SAMD5: variants seen among roughly 807,000 people sequenced by gnomAD.
The protein encoded by SAMD5 is sterile alpha motif domain containing 5.
Under a neutral mutation model 11.3 loss-of-function variants are expected in SAMD5, and 13 were observed. The ratio of observed to expected loss-of-function variants is 1.15; its 90% CI spans 0.75 to 1.83. The LOEUF (loss-of-function observed/expected upper bound fraction) is 1.83, where lower values mean the gene tolerates loss of function less well. Ranked by LOEUF, SAMD5 falls within the 40% of genes most tolerant of loss-of-function variation. The pLI is 0.00. For missense variants in SAMD5, 255 were observed against 239.1 expected (o/e 1.07, Z -0.44); for synonymous variants, 129 against 111.3 (o/e 1.16, Z -1.00).
chr6:147,760,355 G>C, the SAMD5 span, among the ~76,000 whole-genome samples: 1 of 152,176 alleles, frequency 6.6e-6, no homozygotes, highest in East Asian at 1.9e-4. Flanking sequence ...CCATCCAAAA[G>C]CTTATGTTTG....
the SAMD5 span, among the ~76,000 whole-genome samples, chr6:147,895,844 T>G: frequency 6.6e-6 from 1 of 152,160 alleles, no homozygotes; most frequent in Non-Finnish European, 1.5e-5. Flanking sequence ...AGAGACACTG[T>G]ACCAAATAAA....
At chr6:147,784,288 T>C in the SAMD5 span, among the ~76,000 whole-genome samples, 1 of 152,196 alleles carries the variant, frequency 6.6e-6, no homozygotes, top group Admixed American at 6.5e-5. Flanking sequence ...AATAATCAAC[T>C]GTGACTAGTT....
intron 1 of SAMD5, among the ~76,000 whole-genome samples, chr6:147,539,881 AT>A (rs1413750803): frequency 6.6e-6 from 1 of 152,096 alleles, no homozygotes; most frequent in Non-Finnish European, 1.5e-5. Flanking sequence ...ATCCTTAAAA[AT>A]TTTTTTATTA....
chr6:147,905,547 C>G, the SAMD5 span, among the ~76,000 whole-genome samples: 1 of 151,980 alleles, frequency 6.6e-6, no homozygotes, highest in Non-Finnish European at 1.5e-5. Flanking sequence ...AACAAAAAAA[C>G]AAAATCACCT....
At chr6:147,665,322 TG>T (rs1790702698) in intron 1 of SAMD5, among the ~76,000 whole-genome samples, 3 of 152,214 alleles carry the variant, frequency 2.0e-5, no homozygotes, top group Non-Finnish European at 4.4e-5. Flanking sequence ...TTTAATAATA[TG>T]GGGAAAACAG....
At chr6:147,701,136 A>C (rs1168376092) in intron 1 of SAMD5, among the ~76,000 whole-genome samples, 1 of 152,180 alleles carries the variant, frequency 6.6e-6, no homozygotes, top group Non-Finnish European at 1.5e-5. Context: ...TATTATAATA[A>C]ACAGCCGTTA....
At chr6:147,571,760 G>A (rs2128445388), downstream of SAMD5, among the ~76,000 whole-genome samples, 1 of 152,116 alleles carries the variant, frequency 6.6e-6, no homozygotes, top group South Asian at 2.1e-4. Context: ...TACAAAAATA[G>A]CCATTTTGAG....
chr6:147,561,885 C>T (rs188972581), intron 1 of SAMD5, among the ~76,000 whole-genome samples: 1 of 152,182 alleles, frequency 6.6e-6, no homozygotes, highest in African/African-American at 2.4e-5. Context: ...TTCCTATGGT[C>T]ATGAAGCAAC....
At chr6:147,736,235 G>A (rs56127803) in intron 1 of SAMD5, among the ~76,000 whole-genome samples, 11,135 of 152,208 alleles carry the variant, frequency 0.073, 486 homozygotes, top group Non-Finnish European at 0.092. Context: ...TAAGCGAGTT[G>A]ATAATGTAAG....
At chr6:147,804,655 C>CA in the SAMD5 span, among the ~76,000 whole-genome samples, 1 of 151,884 alleles carries the variant, frequency 6.6e-6, no homozygotes. Context: ...CTGAAAAGTG[C>CA]AAAAAAATCA....
chr6:147,574,300 A>G (rs1789183232), downstream of SAMD5, among the ~76,000 whole-genome samples: 1 of 152,198 alleles, frequency 6.6e-6, no homozygotes, highest in South Asian at 2.1e-4. Flanking sequence ...CAGATGAGGA[A>G]TCTGAGGAAA....
intron 1 of SAMD5, among the ~76,000 whole-genome samples, chr6:147,576,480 C>T (rs1349677229): frequency 6.6e-6 from 1 of 152,148 alleles, no homozygotes; most frequent in Non-Finnish European, 1.5e-5. Context: ...AGCTTTTAGA[C>T]TTCCATTCCT....
chr6:147,871,388 A>T, the SAMD5 span, among the ~76,000 whole-genome samples: 1 of 152,318 alleles, frequency 6.6e-6, no homozygotes, highest in African/African-American at 2.4e-5. Flanking sequence ...GTACCTCTCT[A>T]GCTTTGATGT....
chr6:147,551,737 G>T (rs192611598), intron 1 of SAMD5, among the ~76,000 whole-genome samples: 1 of 149,056 alleles, frequency 6.7e-6, no homozygotes, highest in Non-Finnish European at 1.5e-5. Context: ...TTTTTTATTC[G>T]ATCTCAAACG....
chr6:147,776,022 G>A, the SAMD5 span, among the ~76,000 whole-genome samples: 2 of 152,308 alleles, frequency 1.3e-5, no homozygotes, highest in South Asian at 2.1e-4. Flanking sequence ...GCTGGAAACC[G>A]AGTAGTAGCA....
chr6:147,874,252 C>T, the SAMD5 span, among the ~76,000 whole-genome samples: 2 of 152,108 alleles, frequency 1.3e-5, no homozygotes, highest in East Asian at 1.9e-4. Context: ...AGGTCTTTAC[C>T]CATTTCATAT....
chr6:147,879,743 G>A, the SAMD5 span, among the ~76,000 whole-genome samples: 1 of 152,156 alleles, frequency 6.6e-6, no homozygotes, highest in African/African-American at 2.4e-5. Context: ...CTCAGCAAAT[G>A]TTTAAAGAAT....
At chr6:147,517,452 C>T (rs1788188211) in intron 1 of SAMD5, among the ~76,000 whole-genome samples, 1 of 152,054 alleles carries the variant, frequency 6.6e-6, no homozygotes, top group African/African-American at 2.4e-5. Flanking sequence ...CAGCTGTGTA[C>T]AGAAGGGTCT....
At chr6:147,877,651 A>G in the SAMD5 span, among the ~76,000 whole-genome samples, 132 of 151,990 alleles carry the variant, frequency 8.7e-4, 3 homozygotes, top group East Asian at 0.022. Flanking sequence ...AAAGCAGATT[A>G]CTCTCCATCA....
Sources: gnomAD v4.1 joint callset for allele counts (sites outside exome capture counted in the v4.1 genomes callset) on GRCh38, gnomAD v4.1.1 for gene constraint, MANE v1.5 for transcripts, NCBI Gene and HGNC (gene_info 2026-07-23, HGNC 2026-07-21) for gene names.